Variants in TSHZ2 observed in about 807,000 individuals in gnomAD.
TSHZ2 encodes teashirt zinc finger homeobox 2.
A neutral mutation model predicts 74.4 loss-of-function variants in TSHZ2; 21 were observed. The ratio of observed to expected loss-of-function variants is 0.28; its 90% CI spans 0.20 to 0.41. The LOEUF is 0.41. Among genes scored for constraint, TSHZ2 ranks in the 10% least tolerant of loss-of-function variants. TSHZ2 has a pLI of 1.00. For synonymous variants in TSHZ2, 540 were observed against 515.3 expected (o/e 1.05, Z -0.65); for missense variants, 1,244 against 1,293.5 (o/e 0.96, Z 0.59).
rs554048097 is a variant in TSHZ2 at position 53,071,887 on chromosome 20, C to T, written c.40+98554C>T. On this transcript the variant is annotated intron_variant, in intron 1 of 2. Transcript: ENST00000371497. ...TGAGGGCTTTGGATTGTCGTTGTCTCAACCAGGAATGATCCTGTACTGCCC... is the reference window on the plus strand; with the variant it reads ...TGAGGGCTTTGGATTGTCGTTGTCTTAACCAGGAATGATCCTGTACTGCCC... Among the ~76,000 whole-genome samples, 77 of 152,316 alleles carry T rather than the reference C, an allele frequency of 5.1e-4. 1 individual carries two copies. Among genetic ancestry groups the T allele is most frequent in the African/African-American group, 1.8e-3 (76 of 41,572 alleles).
At chr20:53,198,198 G>A (rs1988919243) in intron 1 of TSHZ2, 1 of 152,210 alleles carries the variant, frequency 6.6e-6, no homozygotes. Flanking sequence ...TCAGGGTTCT[G>A]GCATCCTGGG....
chr20:53,306,661 G>A (rs1357074276), intron 2 of TSHZ2, among the ~76,000 whole-genome samples: 3 of 152,206 alleles, frequency 2.0e-5, no homozygotes, highest in African/African-American at 7.2e-5. Context: ...GATTTATTAA[G>A]CAGGCTGCAA....
chr20:53,200,323 G>C (rs1194556682), intron 1 of TSHZ2, among the ~76,000 whole-genome samples: 1 of 152,132 alleles, frequency 6.6e-6, no homozygotes, highest in Non-Finnish European at 1.5e-5. Context: ...CGAGTGCAAG[G>C]GCCCTGAGGT....
chr20:53,479,011 A>C (rs1986073473), intron 2 of TSHZ2, among the ~76,000 whole-genome samples: 1 of 151,970 alleles, frequency 6.6e-6, no homozygotes, highest in Admixed American at 6.6e-5. Context: ...CTAAAAATAC[A>C]AAAATTAGCC....
Position 53,256,062 on chromosome 20 carries a change from A to G in TSHZ2, c.2604A>G (p.Ser868=), listed in dbSNP as rs139760769. Reference sequence around the variant, plus strand: ...TTGCCTCGAGCCTCTTCCAGACATCAGAGGGCAAATACCTGCTGTCTGATC... The same window carrying G: ...TTGCCTCGAGCCTCTTCCAGACATCGGAGGGCAAATACCTGCTGTCTGATC... ...AQFASSLFQT[S]EGKYLLSDLG... The change falls in exon 2 of 3, where the codon TCA becomes TCG. Residue 868 remains serine, a synonymous_variant. Transcript: ENST00000371497. The surrounding 1 kb of genome is among the most constrained non-coding windows in gnomAD (Gnocchi z 4.3). 7 of 1,614,012 alleles carry G rather than the reference A, an allele frequency of 4.3e-6. No homozygotes were observed. The highest frequency in any genetic ancestry group is 3.3e-5 in the South Asian group (3 of 91,058).
At chr20:53,283,858 A>G (rs905599094) in intron 2 of TSHZ2, among the ~76,000 whole-genome samples, 10 of 152,208 alleles carry the variant, frequency 6.6e-5, no homozygotes, top group African/African-American at 1.9e-4. Flanking sequence ...ATTTTTATCC[A>G]GGGAAGATTT....
intron 2 of TSHZ2, among the ~76,000 whole-genome samples, chr20:53,349,188 G>C (rs1486618705): frequency 6.6e-6 from 1 of 152,192 alleles, no homozygotes; most frequent in Non-Finnish European, 1.5e-5. Flanking sequence ...GTGTGCCTCA[G>C]TTTCCTCATC....
At chr20:53,152,308 C>T (rs1290522312) in intron 1 of TSHZ2, among the ~76,000 whole-genome samples, 1 of 152,160 alleles carries the variant, frequency 6.6e-6, no homozygotes, top group African/African-American at 2.4e-5. Context: ...ACAGTTTCTA[C>T]ACAGGGCTCA....
intron 1 of TSHZ2, among the ~76,000 whole-genome samples, chr20:53,131,930 G>C (rs1001167128): frequency 6.7e-6 from 1 of 149,502 alleles, no homozygotes; most frequent in East Asian, 2.0e-4. Flanking sequence ...TTGAGAAAAA[G>C]AGAGGGAGCG....
chr20:53,323,637 G>A (rs1052222074), intron 2 of TSHZ2, among the ~76,000 whole-genome samples: 31 of 124,294 alleles, frequency 2.5e-4, no homozygotes, highest in African/African-American at 9.9e-4. Context: ...GTGCTGTGGT[G>A]CAATCTCTGG....
intron 1 of TSHZ2, among the ~76,000 whole-genome samples, chr20:53,062,157 A>G (rs565396546): frequency 6.6e-6 from 1 of 152,348 alleles, no homozygotes; most frequent in East Asian, 1.9e-4. Flanking sequence ...CAACTAAGCC[A>G]CATCACCAGT....
intron 2 of TSHZ2, among the ~76,000 whole-genome samples, chr20:53,268,290 G>A (rs1054288942): frequency 1.3e-5 from 2 of 152,066 alleles, no homozygotes; most frequent in Non-Finnish European, 2.9e-5. Context: ...TATTCATTTC[G>A]TGTCACGTCA....
At chr20:53,135,756 C>T (rs1332773005) in intron 1 of TSHZ2, among the ~76,000 whole-genome samples, 1 of 151,888 alleles carries the variant, frequency 6.6e-6, no homozygotes, top group Non-Finnish European at 1.5e-5. Context: ...GTGTGCACCA[C>T]CATGCCCAGC....
chr20:53,179,448 A>G (rs1012645206), intron 1 of TSHZ2: 25 of 152,288 alleles, frequency 1.6e-4, no homozygotes, highest in African/African-American at 6.0e-4. Flanking sequence ...AGCTTTGCAG[A>G]TTTCAGTGCT....
chr20:53,207,574 C>T (rs1989199300), intron 1 of TSHZ2, among the ~76,000 whole-genome samples: 1 of 152,180 alleles, frequency 6.6e-6, no homozygotes, highest in Non-Finnish European at 1.5e-5. Flanking sequence ...TGTCCACAGC[C>T]ACATCTTTAG....
At chr20:52,989,863 T>G (rs1014253474) in intron 1 of TSHZ2, among the ~76,000 whole-genome samples, 1 of 150,506 alleles carries the variant, frequency 6.6e-6, no homozygotes, top group African/African-American at 2.4e-5. Context: ...TTTTTTTTCC[T>G]TTTTTTTTAA....
chr20:53,130,382 AG>A (rs1987070609), intron 1 of TSHZ2, among the ~76,000 whole-genome samples: 2 of 152,180 alleles, frequency 1.3e-5, no homozygotes, highest in South Asian at 4.1e-4. Flanking sequence ...CTAGCACTTT[AG>A]GGGGACCAAG....
chr20:53,383,853 A>G (rs1981946397), intron 2 of TSHZ2, among the ~76,000 whole-genome samples: 1 of 152,172 alleles, frequency 6.6e-6, no homozygotes, highest in Non-Finnish European at 1.5e-5. Flanking sequence ...TAAGCTTGCT[A>G]ATTATTTCAA....
At chr20:52,996,769 GAC>G (rs1982211341) in intron 1 of TSHZ2, among the ~76,000 whole-genome samples, 1 of 152,172 alleles carries the variant, frequency 6.6e-6, no homozygotes, top group African/African-American at 2.4e-5. Flanking sequence ...GTGTGCATGT[GAC>G]AGTCTACCTG....
Sources: allele counts gnomAD v4.1 joint callset (sites outside exome capture counted in the v4.1 genomes callset), GRCh38; gene constraint gnomAD v4.1.1; non-coding constraint Gnocchi (gnomAD v3.1); transcripts MANE v1.5; gene names NCBI Gene and HGNC (gene_info 2026-07-23, HGNC 2026-07-21).